Variants in DDX46 observed in about 807,000 individuals in gnomAD.
The protein encoded by DDX46 is probable ATP-dependent RNA helicase DDX46.
In DDX46, 30 loss-of-function variants were observed where a neutral mutation model predicts 134.9. The observed-to-expected ratio is 0.22, with a 90% CI of 0.17 to 0.30. The LOEUF (loss-of-function observed/expected upper bound fraction) is 0.30. DDX46 is among the 10% of genes least tolerant of loss of function. The pLI is 1.00. For missense variants in DDX46, 622 were observed against 1,248.7 expected (o/e 0.50, Z 7.56); for synonymous variants, 415 against 404.1 (o/e 1.03, Z -0.32).
intron 11 of DDX46, among the ~76,000 whole-genome samples, chr5:134,786,898 T>TTTGTTGTTGTTG (rs141573785): frequency 1.3e-5 from 2 of 150,948 alleles, no homozygotes; most frequent in East Asian, 3.9e-4. Flanking sequence ...TCAGAGGTGT[T>TTTGTTGTTGTTG]TTGTTGTTGT....
intron 13 of DDX46, among the ~76,000 whole-genome samples, chr5:134,793,537 T>A (rs1413436722): frequency 6.6e-6 from 1 of 152,142 alleles, no homozygotes; most frequent in Non-Finnish European, 1.5e-5. Flanking sequence ...CCTGAGTAGC[T>A]GGTATTATAG....
At chr5:134,769,897 G>A (rs1203390573) in intron 3 of DDX46, among the ~76,000 whole-genome samples, 1 of 152,230 alleles carries the variant, frequency 6.6e-6, no homozygotes, top group Non-Finnish European at 1.5e-5. Context: ...TCCTGACCTC[G>A]TGATCTGCCT....
At chr5:134,791,770 G>T (rs1262450276) in intron 13 of DDX46, among the ~76,000 whole-genome samples, 1 of 152,200 alleles carries the variant, frequency 6.6e-6, no homozygotes, top group African/African-American at 2.4e-5. Flanking sequence ...ATATGTTAGT[G>T]CATGTATTGT....
chr5:134,798,054 C>T (rs748860923), intron 15 of DDX46, among the ~76,000 whole-genome samples: 11 of 152,078 alleles, frequency 7.2e-5, no homozygotes, highest in African/African-American at 1.2e-4. Flanking sequence ...TCAGGTGATC[C>T]GCCCACCTCA....
intron 4 of DDX46, among the ~76,000 whole-genome samples, chr5:134,772,754 C>T (rs968640283): frequency 6.6e-6 from 1 of 152,212 alleles, no homozygotes; most frequent in Non-Finnish European, 1.5e-5. Context: ...AATCTGCCTG[C>T]CTCTGCCTCC....
chr5:134,800,835 C>T (rs1263407383), intron 15 of DDX46, among the ~76,000 whole-genome samples: 1 of 152,126 alleles, frequency 6.6e-6, no homozygotes, highest in Admixed American at 6.5e-5. Flanking sequence ...GCCACCTCGT[C>T]TCACTAATTT....
intron 14 of DDX46, among the ~76,000 whole-genome samples, chr5:134,795,220 G>GTT (rs3069322): frequency 6.7e-5 from 7 of 104,378 alleles, no homozygotes; most frequent in African/African-American, 2.1e-4. Flanking sequence ...TTTTTTTTTT[G>GTT]TTTTTTTTTT....
At chr5:134,799,116 C>G (rs1006954022) in intron 15 of DDX46, among the ~76,000 whole-genome samples, 6 of 152,136 alleles carry the variant, frequency 3.9e-5, no homozygotes, top group African/African-American at 1.2e-4. Flanking sequence ...ATTTTGGTAT[C>G]TGCCAGGGGC....
chr5:134,807,339 A>C (rs1297565835), intron 15 of DDX46, among the ~76,000 whole-genome samples: 1 of 151,972 alleles, frequency 6.6e-6, no homozygotes, highest in Non-Finnish European at 1.5e-5. Flanking sequence ...CATTTCTAAC[A>C]AGCTCCCAGG....
chr5:134,765,632 C>T (rs1236613740), intron 2 of DDX46, among the ~76,000 whole-genome samples: 1 of 152,114 alleles, frequency 6.6e-6, no homozygotes, highest in Non-Finnish European at 1.5e-5. Context: ...AGATGGGGGT[C>T]TTAACTGTGT....
chr5:134,809,611 G>A lies in DDX46; in HGVS notation c.2149-1610G>A, dbSNP rs372569258. Among the ~76,000 whole-genome samples, 79 of 152,076 alleles carry A rather than the reference G, an allele frequency of 5.2e-4. No homozygotes were observed. The South Asian group carries it at 0.012, about 24-fold the overall frequency. On this transcript the variant is annotated intron_variant, in intron 16 of 22. Transcript: ENST00000452510. Reference sequence around the variant, plus strand: ...AGGATGGTCTCGATCTCCTGACCTCGTGATCTGCCCGCCTTGGCCTCTCAA... The same window carrying A: ...AGGATGGTCTCGATCTCCTGACCTCATGATCTGCCCGCCTTGGCCTCTCAA...
chr5:134,773,596 A>G (rs932721473), intron 4 of DDX46, 100 bp from the exon 5 acceptor site: 4 of 1,354,064 alleles, frequency 3.0e-6, no homozygotes, highest in Non-Finnish European at 2.0e-6. Context: ...CCTTCTTTAT[A>G]CTTTGAAGAA....
intron 4 of DDX46, among the ~76,000 whole-genome samples, chr5:134,773,271 T>A (rs1753829957): frequency 6.6e-6 from 1 of 152,206 alleles, no homozygotes; most frequent in Non-Finnish European, 1.5e-5. Flanking sequence ...TCGTTTATTT[T>A]CTAACTTGTA....
At chr5:134,805,537 T>C (rs1213996903) in intron 15 of DDX46, among the ~76,000 whole-genome samples, 6 of 151,554 alleles carry the variant, frequency 4.0e-5, no homozygotes, top group East Asian at 1.9e-4. Flanking sequence ...CTTTTCTTTT[T>C]TTTTTTTTGA....
At position 134,762,387 on chromosome 5, in the gene DDX46, C is replaced by T. The variant is rs989797760; in HGVS notation, c.18-1517C>T. Among the ~76,000 whole-genome samples the T allele has an allele frequency of 5.9e-5, 9 of 152,008 alleles. No individual in the cohort carries two copies. In the South Asian group the frequency reaches 8.3e-4, roughly 14 times the overall value. On this transcript the variant is annotated intron_variant, in intron 1 of 22. Coordinates refer to ENST00000452510, the MANE Select transcript of DDX46 (RefSeq NM_001300860.2). The stretch of plus-strand genomic sequence containing the variant: ...GAGTAGCAATTGAGCTGCTGCATTC[C>T]AGCCTGGGTGACAGAGTGAGACCTT...
intron 8 of DDX46, among the ~76,000 whole-genome samples, 174 bp from the exon 9 acceptor site, chr5:134,782,771 G>A (rs141197723): frequency 6.6e-6 from 1 of 152,134 alleles, no homozygotes; most frequent in Non-Finnish European, 1.5e-5. Context: ...CAACTCCTGG[G>A]TTCAAGTGAT....
intron 1 of DDX46, among the ~76,000 whole-genome samples, chr5:134,759,861 T>C (rs1057118013): frequency 2.0e-5 from 3 of 152,206 alleles, no homozygotes; most frequent in Non-Finnish European, 4.4e-5. Flanking sequence ...AAAATTCCTG[T>C]GACGGTGTTT....
chr5:134,804,698 A>G (rs1561868716), intron 15 of DDX46: 1 of 205,492 alleles, frequency 4.9e-6, no homozygotes, highest in East Asian at 1.3e-4. Flanking sequence ...CATTTTTCAC[A>G]AAAATATGCT....
chr5:134,781,809 AATATT>A, intron 7 of DDX46, 107 bp from the exon 8 acceptor site: 1 of 1,040,116 alleles, frequency 9.6e-7, no homozygotes, highest in Non-Finnish European at 1.4e-6. Flanking sequence ...TAGAAAGTAA[AATATT>A]AGAGTAGTTT....
Sources: allele counts gnomAD v4.1 joint callset (sites outside exome capture counted in the v4.1 genomes callset), GRCh38; gene constraint gnomAD v4.1.1; transcripts MANE v1.5; gene names NCBI Gene and HGNC (gene_info 2026-07-23, HGNC 2026-07-21).